KIFAP3: variants seen among roughly 807,000 people sequenced by gnomAD.
KIFAP3 encodes the protein kinesin associated protein 3.
KIFAP3 carries 68 observed loss-of-function variants against 106.5 expected under a neutral mutation model. That is an observed-to-expected ratio of 0.64 (90% CI 0.53 to 0.78). The LOEUF (loss-of-function observed/expected upper bound fraction) is 0.78. Among genes scored for constraint, KIFAP3 ranks in the 30% least tolerant of loss-of-function variants. The pLI is 0.00. For synonymous variants in KIFAP3, 320 were observed against 311.5 expected (o/e 1.03, Z -0.29); for missense variants, 780 against 941.8 (o/e 0.83, Z 2.25).
At chr1:169,956,739 C>G (rs1665034683) in intron 18 of KIFAP3, among the ~76,000 whole-genome samples, 1 of 151,268 alleles carries the variant, frequency 6.6e-6, no homozygotes, top group Non-Finnish European at 1.5e-5. Flanking sequence ...GTAGCTGGGA[C>G]TACAGGGATG....
intron 17 of KIFAP3, among the ~76,000 whole-genome samples, chr1:169,966,341 A>C (rs1007620820): frequency 6.6e-6 from 1 of 151,722 alleles, no homozygotes; most frequent in Non-Finnish European, 1.5e-5. Context: ...AAGATCCAAC[A>C]ATGATTCCAG....
At chr1:170,023,403 T>C (rs1012071283) in intron 9 of KIFAP3, among the ~76,000 whole-genome samples, 7 of 152,010 alleles carry the variant, frequency 4.6e-5, no homozygotes, top group Non-Finnish European at 8.8e-5. Context: ...ATTCAGACTA[T>C]CTAAAGGAGA....
intron 2 of KIFAP3, among the ~76,000 whole-genome samples, chr1:170,047,896 C>T (rs965944289): frequency 2.4e-4 from 37 of 152,080 alleles, no homozygotes; most frequent in Non-Finnish European, 2.6e-4. Context: ...AAGAGTCAAC[C>T]TAGTGTCAAA....
At chr1:170,063,589 C>T (rs1671289711) in intron 1 of KIFAP3, among the ~76,000 whole-genome samples, 1 of 152,214 alleles carries the variant, frequency 6.6e-6, no homozygotes, top group Non-Finnish European at 1.5e-5. Flanking sequence ...TAAACTCTTA[C>T]TCTACTGCAA....
intron 1 of KIFAP3, among the ~76,000 whole-genome samples, chr1:170,059,332 C>T (rs570564894): frequency 1.7e-3 from 262 of 152,178 alleles, no homozygotes; most frequent in Middle Eastern, 3.4e-3. Flanking sequence ...GGGGATATCA[C>T]CACTGATCCC....
intron 1 of KIFAP3, among the ~76,000 whole-genome samples, chr1:170,066,659 A>C (rs1277638879): frequency 6.6e-6 from 1 of 152,202 alleles, no homozygotes; most frequent in Non-Finnish European, 1.5e-5. Flanking sequence ...TCTTTTAATA[A>C]TCACATGAGG....
chr1:169,933,339 C>A (rs1663597579), intron 19 of KIFAP3, among the ~76,000 whole-genome samples: 1 of 151,808 alleles, frequency 6.6e-6, no homozygotes, highest in Non-Finnish European at 1.5e-5. Context: ...GTATAATATA[C>A]CAGAAATGTA....
intron 6 of KIFAP3, among the ~76,000 whole-genome samples, chr1:170,035,175 T>G (rs1669620563): frequency 6.6e-6 from 1 of 152,048 alleles, no homozygotes; most frequent in Non-Finnish European, 1.5e-5. Context: ...TAATTTTTAA[T>G]TCATTTAATC....
intron 2 of KIFAP3, 81 bp from the exon 3 acceptor site, chr1:170,046,947 A>T (rs1222101342): frequency 1.4e-6 from 1 of 697,074 alleles, no homozygotes; most frequent in Non-Finnish European, 2.1e-6. Flanking sequence ...TAATTTATAG[A>T]TTATAAATTA....
chr1:170,059,542 A>G (rs1671024733), intron 1 of KIFAP3, among the ~76,000 whole-genome samples: 1 of 152,164 alleles, frequency 6.6e-6, no homozygotes, highest in Admixed American at 6.5e-5. Flanking sequence ...CCAACCAAAA[A>G]AAGTCCAGGA....
chr1:170,016,521 G>C lies in KIFAP3; in HGVS notation c.1124C>G (p.Thr375Arg). The change falls in exon 10 of 20, where the codon ACA (threonine) becomes AGA (arginine). Residue 375 changes from threonine to arginine, a missense_variant. By Grantham distance (71) the Thr-to-Arg change is moderately conservative. Around this residue, in one of 3 missense-constraint regions of KIFAP3, gnomAD observed 588 missense variants for 678.9 expected, o/e 0.87. Transcript: ENST00000361580. ...LRLLLNLSFD[T>R]GLRNKMVQVG... ...TTGTACCATCTTATTCCTCAGTCCT[G>C]TGTCAAAGGATAGGTTTAGTAAAAG... The C allele has an allele frequency of 6.2e-7, 1 of 1,609,976 alleles. No homozygotes were observed. The highest frequency in any genetic ancestry group is 1.3e-5 in the African/African-American group (1 of 74,736).
intron 10 of KIFAP3, among the ~76,000 whole-genome samples, chr1:170,014,691 T>A (rs1178322926): frequency 6.6e-6 from 1 of 152,044 alleles, no homozygotes; most frequent in South Asian, 2.1e-4. Context: ...AGAGAGTAAA[T>A]TTTTTTTAAA....
At chr1:169,959,638 T>A (rs990550430) in intron 18 of KIFAP3, among the ~76,000 whole-genome samples, 1 of 152,130 alleles carries the variant, frequency 6.6e-6, no homozygotes, top group African/African-American at 2.4e-5. Flanking sequence ...TTTAATTGTA[T>A]TAAAACAACA....
At chr1:170,053,509 G>T (rs1670681683) in intron 2 of KIFAP3, among the ~76,000 whole-genome samples, 1 of 151,494 alleles carries the variant, frequency 6.6e-6, no homozygotes, top group South Asian at 2.1e-4. Context: ...CAAAAAAAGA[G>T]CCCATATAGC....
At chr1:170,024,220 A>G (rs1009998503) in intron 9 of KIFAP3, 198 bp downstream of exon 9, 1 of 402,078 alleles carries the variant, frequency 2.5e-6, no homozygotes, top group Admixed American at 4.3e-5. Flanking sequence ...ATTTTTATTC[A>G]GAAAGCTTCA....
At chr1:170,039,898 G>A (rs77992454) in intron 3 of KIFAP3, among the ~76,000 whole-genome samples, 9,573 of 152,062 alleles carry the variant, frequency 0.063, 382 homozygotes, top group Non-Finnish European at 0.095. Flanking sequence ...TGAGCCATTC[G>A]TTTATATTGA....
chr1:170,069,004 A>G (rs1228679595), intron 1 of KIFAP3: 1 of 152,138 alleles, frequency 6.6e-6, no homozygotes, highest in East Asian at 1.9e-4. Flanking sequence ...AAAAAAGAAA[A>G]GAAGAGACTC....
chr1:170,022,856 G>A (rs1298379449), intron 9 of KIFAP3, among the ~76,000 whole-genome samples: 1 of 151,956 alleles, frequency 6.6e-6, no homozygotes, highest in African/African-American at 2.4e-5. Flanking sequence ...TTTAATAATA[G>A]TCAAGATCTT....
chr1:169,966,361 AG>A (rs1455937721), intron 17 of KIFAP3, among the ~76,000 whole-genome samples: 2 of 151,580 alleles, frequency 1.3e-5, no homozygotes, highest in African/African-American at 4.8e-5. Flanking sequence ...GAATCCTACT[AG>A]GATGAATCTA....
Sources: gnomAD v4.1 joint callset for allele counts (sites outside exome capture counted in the v4.1 genomes callset) on GRCh38, gnomAD v4.1.1 for gene constraint, gnomAD v4.1.1 regional missense constraint, MANE v1.5 for transcripts, NCBI Gene and HGNC (gene_info 2026-07-23, HGNC 2026-07-21) for gene names.